Variants in LMBR1 observed in about 807,000 individuals in gnomAD.
The protein encoded by LMBR1 is limb region 1 protein homolog.
LMBR1 carries 52 observed loss-of-function variants against 73.9 expected under a neutral mutation model. That is an observed-to-expected ratio of 0.70 (90% CI 0.56 to 0.89). The LOEUF is 0.89. LMBR1 is among the 40% of genes least tolerant of loss of function. LMBR1 has a pLI of 0.00. For synonymous variants in LMBR1, 215 were observed against 209.4 expected, an observed-to-expected ratio of 1.03 and a Z score of -0.23; for missense variants, 539 against 579.8, an observed-to-expected ratio of 0.93 and a Z score of 0.72.
At chr7:156,775,023 C>T (rs962918454) in intron 5 of LMBR1, among the ~76,000 whole-genome samples, 10 of 152,040 alleles carry the variant, frequency 6.6e-5, no homozygotes, top group African/African-American at 2.2e-4. Flanking sequence ...TGAAGGTGGA[C>T]GGTGGGACAA....
At position 156,680,805 on chromosome 7, in the gene LMBR1, A is replaced by G. The variant is rs1192256794; in HGVS notation, c.*3273T>C. The G allele has an allele frequency of 4.9e-6, 1 of 202,892 alleles. No individual in the cohort carries two copies. The highest frequency in any genetic ancestry group is 2.4e-5 in the African/African-American group (1 of 41,734). 12.6% of individuals were successfully genotyped at this position (202,892 alleles called of 1,614,324 possible). The stretch of plus-strand genomic sequence containing the variant: ...CTATAAATACCCTTAAGTTTTAGCC[A>G]TGATAATATTTAAGATGGAAAAAAC... On this transcript the variant is annotated 3_prime_UTR_variant, in exon 17 of 17. Coordinates refer to ENST00000353442, the MANE Select transcript of LMBR1 (RefSeq NM_022458.4).
chr7:156,786,072 T>C (rs1828016448), intron 5 of LMBR1, among the ~76,000 whole-genome samples: 1 of 149,946 alleles, frequency 6.7e-6, no homozygotes, highest in African/African-American at 2.5e-5. Flanking sequence ...TATGGGAAAA[T>C]GTCCAAGGAA....
At chr7:156,796,611 T>A in intron 4 of LMBR1, 119 bp from the exon 5 acceptor site, 1 of 527,240 alleles carries the variant, frequency 1.9e-6, no homozygotes, top group East Asian at 3.8e-5. Flanking sequence ...TGACCTAAAC[T>A]TAGAAATCAT....
downstream of LMBR1, among the ~76,000 whole-genome samples, chr7:156,675,160 A>C (rs1275314308): frequency 6.6e-6 from 1 of 152,252 alleles, no homozygotes; most frequent in Non-Finnish European, 1.5e-5. Context: ...CGGAGACCCG[A>C]AGAGACAGTA....
At chr7:156,836,356 G>A (rs1211814464) in intron 2 of LMBR1, among the ~76,000 whole-genome samples, 1 of 152,132 alleles carries the variant, frequency 6.6e-6, no homozygotes, top group East Asian at 1.9e-4. Flanking sequence ...CCTCTGGCTG[G>A]ATAAGGATAT....
At chr7:156,695,563 T>C (rs1011352565) in intron 15 of LMBR1, among the ~76,000 whole-genome samples, 5 of 151,994 alleles carry the variant, frequency 3.3e-5, no homozygotes, top group Admixed American at 6.6e-5. Context: ...CCGACACTTT[T>C]AGACAACCAG....
chr7:156,786,063 A>G (rs1322112821), intron 5 of LMBR1, among the ~76,000 whole-genome samples: 1 of 151,160 alleles, frequency 6.6e-6, no homozygotes, highest in African/African-American at 2.4e-5. Context: ...GATCAAATCT[A>G]TGGGAAAATG....
intron 1 of LMBR1, among the ~76,000 whole-genome samples, chr7:156,871,686 A>G (rs1195631621): frequency 6.6e-6 from 1 of 152,250 alleles, no homozygotes; most frequent in Non-Finnish European, 1.5e-5. Flanking sequence ...AAATAAAAAG[A>G]TAACAATCCT....
intron 4 of LMBR1, among the ~76,000 whole-genome samples, chr7:156,814,104 A>G (rs1176581332): frequency 6.6e-6 from 1 of 152,214 alleles, no homozygotes; most frequent in Admixed American, 6.5e-5. Context: ...CAACGCACCC[A>G]TAAACTGAAC....
chr7:156,876,943 C>A (rs1221741051), intron 1 of LMBR1, among the ~76,000 whole-genome samples: 1 of 151,840 alleles, frequency 6.6e-6, no homozygotes, highest in Non-Finnish European at 1.5e-5. Flanking sequence ...AAACCCAAAC[C>A]CAGCAGAAGA....
chr7:156,765,239 G>C (rs563379848), intron 5 of LMBR1, among the ~76,000 whole-genome samples: 5 of 152,170 alleles, frequency 3.3e-5, no homozygotes, highest in Admixed American at 6.5e-5. Context: ...TAATCCCCAT[G>C]TGTCGTGGGA....
At chr7:156,691,655 A>G (rs1273203037) in intron 15 of LMBR1, among the ~76,000 whole-genome samples, 2 of 152,202 alleles carry the variant, frequency 1.3e-5, no homozygotes, top group African/African-American at 4.8e-5. Flanking sequence ...AATAAATTAT[A>G]TATGTTGGCA....
intron 3 of LMBR1, among the ~76,000 whole-genome samples, chr7:156,831,329 A>G (rs1836654748): frequency 6.8e-6 from 1 of 146,514 alleles, no homozygotes; most frequent in Non-Finnish European, 1.5e-5. Flanking sequence ...CAGTACTGCA[A>G]AGTAGGTGAG....
intron 15 of LMBR1, among the ~76,000 whole-genome samples, chr7:156,721,783 C>A (rs1251107387): frequency 6.6e-6 from 1 of 152,002 alleles, no homozygotes; most frequent in African/African-American, 2.4e-5. Flanking sequence ...CAACTTAATT[C>A]TTTGTGGCAA....
chr7:156,788,641 C>A, intron 5 of LMBR1, among the ~76,000 whole-genome samples: 1 of 151,542 alleles, frequency 6.6e-6, no homozygotes, highest in African/African-American at 2.4e-5. Flanking sequence ...AAAAAATACT[C>A]ATAAATATAT....
intron 5 of LMBR1, among the ~76,000 whole-genome samples, chr7:156,764,990 A>G (rs1311343459): frequency 6.6e-6 from 1 of 152,220 alleles, no homozygotes; most frequent in African/African-American, 2.4e-5. Flanking sequence ...GCTCACCTTA[A>G]GTGTTCATAG....
chr7:156,800,185 T>C (rs1830700306), intron 4 of LMBR1, among the ~76,000 whole-genome samples: 1 of 152,118 alleles, frequency 6.6e-6, no homozygotes, highest in African/African-American at 2.4e-5. Flanking sequence ...AAAAACAGCC[T>C]TACACTGGAA....
intron 4 of LMBR1, among the ~76,000 whole-genome samples, chr7:156,806,674 AT>A (rs1384394196): frequency 8.2e-5 from 10 of 121,434 alleles, no homozygotes; most frequent in Non-Finnish European, 1.6e-5. Flanking sequence ...CAGTGGTGCG[AT>A]TTCTCAGCTC....
chr7:156,848,294 T>C (rs1399263179), intron 1 of LMBR1, among the ~76,000 whole-genome samples: 1 of 152,044 alleles, frequency 6.6e-6, no homozygotes, highest in Non-Finnish European at 1.5e-5. Context: ...AATGACAACC[T>C]ACAGAATAGG....
Sources: allele counts gnomAD v4.1 joint callset (sites outside exome capture counted in the v4.1 genomes callset), GRCh38; gene constraint gnomAD v4.1.1; transcripts MANE v1.5; gene names NCBI Gene and HGNC (gene_info 2026-07-23, HGNC 2026-07-21).